The following OSBPL2 variants were observed in gnomAD, a reference collection of about 807,000 sequenced individuals.
OSBPL2 encodes oxysterol-binding protein-related protein 2.
A neutral mutation model predicts 58.4 loss-of-function variants in OSBPL2; 18 were observed. The ratio of observed to expected loss-of-function variants is 0.31; its 90% CI spans 0.21 to 0.46. OSBPL2 has a LOEUF of 0.46. OSBPL2 is among the 20% of genes least tolerant of loss of function. The pLI, the probability that OSBPL2 is intolerant of heterozygous loss-of-function variation, is 1.00. For missense variants in OSBPL2, 461 were observed against 616.5 expected, an observed-to-expected ratio of 0.75 and a Z score of 2.67; for synonymous variants, 221 against 234.1, an observed-to-expected ratio of 0.94 and a Z score of 0.51.
intron 5 of OSBPL2, among the ~76,000 whole-genome samples, chr20:62,272,462 G>A (rs944608421): frequency 9.2e-5 from 14 of 152,184 alleles, no homozygotes; most frequent in African/African-American, 3.4e-4. Flanking sequence ...ATGCCATTGA[G>A]CTCTCAGTGG....
intron 4 of OSBPL2, among the ~76,000 whole-genome samples, chr20:62,265,040 G>T (rs931460217): frequency 6.6e-6 from 1 of 152,154 alleles, no homozygotes; most frequent in Non-Finnish European, 1.5e-5. Context: ...TGTCTCCACT[G>T]CAAAGTTGCT....
chr20:62,261,034 C>T (rs552142082), intron 3 of OSBPL2, among the ~76,000 whole-genome samples: 7 of 150,648 alleles, frequency 4.6e-5, no homozygotes, highest in Non-Finnish European at 7.4e-5. Flanking sequence ...GATAGAAGCA[C>T]GAGCCAGGCG....
intron 1 of OSBPL2, among the ~76,000 whole-genome samples, chr20:62,243,051 C>G (rs1226178006): frequency 1.3e-5 from 2 of 152,210 alleles, no homozygotes; most frequent in African/African-American, 4.8e-5. Context: ...GGACCTTGTG[C>G]CACTGTGCTC....
At chr20:62,251,124 A>C (rs574247803) in intron 1 of OSBPL2, among the ~76,000 whole-genome samples, 2 of 147,034 alleles carry the variant, frequency 1.4e-5, no homozygotes, top group East Asian at 4.0e-4. Flanking sequence ...GCTCACCGCA[A>C]GCTCTGCCTC....
intron 10 of OSBPL2, 140 bp from the exon 11 acceptor site, chr20:62,286,443 C>T (rs1601199189): frequency 1.1e-6 from 1 of 911,002 alleles, no homozygotes; most frequent in African/African-American, 1.7e-5. Flanking sequence ...GAGCGAGACT[C>T]CGTCTGAAAA....
At position 62,279,122 on chromosome 20, in the gene OSBPL2, A is replaced by G. The variant is rs767503947; in HGVS notation, c.492-35A>G. 17 of 1,568,544 alleles carry G rather than the reference A, an allele frequency of 1.1e-5. No individual in the cohort carries two copies. The African/African-American group carries it at 1.2e-4, about 11-fold the overall frequency. ...CTGCCCTTTCTTTTATTTTGCTGCC[A>G]TTAATGTGTCTCTCTTTTTTATTCT... On this transcript the variant is annotated intron_variant, in intron 6 of 13. Transcript: ENST00000313733.
chr20:62,277,967 G>A (rs1248183977), intron 6 of OSBPL2, among the ~76,000 whole-genome samples: 1 of 152,194 alleles, frequency 6.6e-6, no homozygotes, highest in South Asian at 2.1e-4. Flanking sequence ...CTTCAGAAAG[G>A]GTTTAGGGTC....
intron 12 of OSBPL2, among the ~76,000 whole-genome samples, chr20:62,290,836 C>T (rs559761890): frequency 3.3e-5 from 5 of 150,046 alleles, no homozygotes; most frequent in East Asian, 4.0e-4. Context: ...CTCACAGGTT[C>T]AAGAGATTCT....
intron 1 of OSBPL2, among the ~76,000 whole-genome samples, chr20:62,251,256 G>C (rs956587228): frequency 1.3e-5 from 2 of 151,326 alleles, no homozygotes; most frequent in African/African-American, 4.9e-5. Context: ...GGGTTTCACT[G>C]TGTTAGCCAG....
chr20:62,241,226 A>C (rs779190984), intron 1 of OSBPL2, among the ~76,000 whole-genome samples: 2 of 151,468 alleles, frequency 1.3e-5, no homozygotes, highest in Non-Finnish European at 2.9e-5. Context: ...GCTGGAGTGC[A>C]GTGGCGCGAA....
chr20:62,268,003 C>G (rs909773618), intron 4 of OSBPL2, among the ~76,000 whole-genome samples: 2 of 152,032 alleles, frequency 1.3e-5, no homozygotes, highest in African/African-American at 4.8e-5. Context: ...CTGCCTCAGC[C>G]TCCTGAGTAG....
At chr20:62,286,312 T>C (rs1601199072) in intron 10 of OSBPL2, 2 of 303,014 alleles carry the variant, frequency 6.6e-6, no homozygotes, top group East Asian at 1.4e-4. Context: ...TAGCCGGGCA[T>C]GGTTTTGGGC....
intron 10 of OSBPL2, chr20:62,285,335 TC>T (rs1301223892): frequency 5.3e-5 from 8 of 152,354 alleles, no homozygotes; most frequent in Admixed American, 2.6e-4. Flanking sequence ...TGAATCCTTG[TC>T]CTTGAGCTGC....
chr20:62,239,777 C>G (rs184735802), intron 1 of OSBPL2, among the ~76,000 whole-genome samples: 3 of 152,322 alleles, frequency 2.0e-5, no homozygotes, highest in African/African-American at 7.2e-5. Context: ...CCCATGGCCT[C>G]TTTTCTGGCT....
chr20:62,276,861 C>T (rs1982413768), intron 6 of OSBPL2, among the ~76,000 whole-genome samples: 1 of 152,244 alleles, frequency 6.6e-6, no homozygotes, highest in Non-Finnish European at 1.5e-5. Flanking sequence ...CCTGTTGCTG[C>T]CTGCCAGCCT....
chr20:62,256,639 C>T (rs567407924), intron 2 of OSBPL2, among the ~76,000 whole-genome samples: 1 of 152,124 alleles, frequency 6.6e-6, no homozygotes, highest in Non-Finnish European at 1.5e-5. Flanking sequence ...TTCTTTCGCA[C>T]GATGGTTTAA....
Position 62,288,972 on chromosome 20 carries a change from T to G in OSBPL2, c.1126-235T>G, listed in dbSNP as rs1177300972. Among the ~76,000 whole-genome samples, 1 of 152,156 alleles carries G rather than the reference T, an allele frequency of 6.6e-6. No individual in the cohort carries two copies. Among genetic ancestry groups the G allele is most frequent in the Non-Finnish European group, 1.5e-5 (1 of 68,014 alleles). ...GTAAAGACAGAAAAAGAAATGTGTG[T>G]GAGTTTTGCTGGTATACCTCAAAAT... On this transcript the variant is annotated intron_variant, in intron 11 of 13. Coordinates refer to ENST00000313733, the MANE Select transcript of OSBPL2 (RefSeq NM_144498.4). The surrounding 1 kb of genome is among the most constrained non-coding windows in gnomAD (Gnocchi z 4.8).
chr20:62,251,024 T>C (rs539551448), intron 1 of OSBPL2, among the ~76,000 whole-genome samples: 1 of 151,008 alleles, frequency 6.6e-6, no homozygotes, highest in East Asian at 1.9e-4. Flanking sequence ...TTTCACATAG[T>C]GCAGAGCAAT....
At position 62,263,707 on chromosome 20, in the gene OSBPL2, C is replaced by G. The variant is rs746101351; in HGVS notation, c.258+16C>G. The G allele has an allele frequency of 2.5e-6, 4 of 1,607,576 alleles. No individual in the cohort carries two copies. The highest frequency in any genetic ancestry group is 1.7e-5 in the Admixed American group (1 of 59,994). ...TGTTGGCCTGGTGAGTCCGGGGGCC[C>G]GTGTTCACACATGGGGCTGCACCAC... On this transcript the variant is annotated intron_variant, in intron 4 of 13. Coordinates refer to ENST00000313733, the MANE Select transcript of OSBPL2 (RefSeq NM_144498.4).
Sources: allele counts gnomAD v4.1 joint callset (sites outside exome capture counted in the v4.1 genomes callset), GRCh38; gene constraint gnomAD v4.1.1; non-coding constraint Gnocchi (gnomAD v3.1); transcripts MANE v1.5; gene names NCBI Gene and HGNC (gene_info 2026-07-23, HGNC 2026-07-21).